Variants in PIR observed in about 807,000 individuals in gnomAD.
PIR encodes the protein pirin, also known as pirin (iron-binding nuclear protein).
A neutral mutation model predicts 24.2 loss-of-function variants in PIR; 22 were observed. That is an observed-to-expected ratio of 0.91 (90% confidence interval 0.65 to 1.30). The LOEUF (loss-of-function observed/expected upper bound fraction) is 1.30, where lower values mean the gene tolerates loss of function less well. PIR is among the 50% of genes most tolerant of loss of function. The pLI is 0.00. For missense variants in PIR, 220 were observed against 220.3 expected (o/e 1.00, Z 0.01); for synonymous variants, 80 against 79.6 (o/e 1.00, Z -0.03).
At chrX:15,456,158 C>T in intron 4 of PIR, 104 bp from the exon 5 acceptor site, 2 of 665,955 alleles carry the variant, frequency 3.0e-6, no homozygotes, top group Non-Finnish European at 4.8e-6. Flanking sequence ...CTTACCAGTG[C>T]TGCTATCAGA....
intron 5 of PIR, among the ~76,000 whole-genome samples, chrX:15,442,621 A>C (rs780529422): frequency 4.6e-4 from 52 of 111,990 alleles, no homozygotes; most frequent in African/African-American, 1.7e-3. Context: ...TAAAAGTGCT[A>C]CTCCAGCGAA....
chrX:15,421,076 G>C (rs140977266), intron 6 of PIR, among the ~76,000 whole-genome samples: 1 of 111,748 alleles, frequency 8.9e-6, no homozygotes, highest in African/African-American at 3.2e-5. Flanking sequence ...ATATAGTGAG[G>C]GTACTGGACA....
chrX:15,471,152 G>T (rs1921893906), intron 3 of PIR, among the ~76,000 whole-genome samples: 1 of 111,823 alleles, frequency 8.9e-6, no homozygotes, highest in African/African-American at 3.3e-5. Flanking sequence ...GAAGTGGCCT[G>T]TGCACTGTAG....
At chrX:15,474,541 T>A (rs1294136309) in intron 3 of PIR, among the ~76,000 whole-genome samples, 1 of 112,433 alleles carries the variant, frequency 8.9e-6, no homozygotes, top group Non-Finnish European at 1.9e-5. Flanking sequence ...AGCCATTTAC[T>A]AATAGGTTTT....
chrX:15,401,198 A>G (rs1269126162), intron 7 of PIR, among the ~76,000 whole-genome samples: 1 of 109,047 alleles, frequency 9.2e-6, no homozygotes, highest in Non-Finnish European at 1.9e-5. Flanking sequence ...GACCACAGGC[A>G]TGCACTACCA....
At chrX:15,468,281 G>A (rs73193788) in intron 3 of PIR, among the ~76,000 whole-genome samples, 94 of 112,633 alleles carry the variant, frequency 8.3e-4, no homozygotes, top group Non-Finnish European at 1.4e-3. Context: ...CATGCATGGC[G>A]TCTCTGCTTA....
chrX:15,409,413 T>C (rs1242188017), intron 6 of PIR, among the ~76,000 whole-genome samples: 1 of 111,319 alleles, frequency 9.0e-6, no homozygotes, highest in Non-Finnish European at 1.9e-5. Context: ...TATTTAGTCT[T>C]CCGAGCTTTG....
rs769214822 is a variant in PIR, at chrX:15,491,208, G to C, written c.50C>G (p.Ser17Trp). The C allele has an allele frequency of 3.3e-6, 4 of 1,207,700 alleles. No individual in the cohort carries two copies. Among genetic ancestry groups the C allele is most frequent in the Non-Finnish European group, 4.5e-6 (4 of 893,074 alleles). The change falls in exon 2 of 10, where the codon TCG becomes TGG. Residue 17 changes from serine (S) to tryptophan (W), a missense_variant. Physicochemically the swap from Ser to Trp is radical, Grantham distance 177. Coordinates refer to ENST00000380420, the MANE Select transcript of PIR (RefSeq NM_001018109.3). ...CCGGACCCTCGCTCCAACCCCTTCC[G>C]ACTGCTCCCGGCTGAGCACTGAGAG... ...VTLSVLSREQ[S>W]EGVGARVRRS...
chrX:15,457,727 T>C (rs1921140601), intron 4 of PIR, among the ~76,000 whole-genome samples: 1 of 112,275 alleles, frequency 8.9e-6, no homozygotes, highest in Admixed American at 9.4e-5. Context: ...CTTTAAAGAT[T>C]TTTTTCTTCC....
rs192036441 is a variant in PIR at position 15,408,096 on chromosome X, G to A, written c.566-546C>T. ...CTAGTAGCTGGGATTACAGGCACACGCCACCACATCTGGCTAATTTTTGTA... is the reference window on the plus strand; with the variant it reads ...CTAGTAGCTGGGATTACAGGCACACACCACCACATCTGGCTAATTTTTGTA... On this transcript the variant is annotated intron_variant, in intron 6 of 9. Transcript: ENST00000380420. Among the ~76,000 whole-genome samples, 117 of 111,365 alleles carry A rather than the reference G, an allele frequency of 1.1e-3. 2 individuals carry two copies. The East Asian group carries it at 0.027, about 26-fold the overall frequency.
At chrX:15,387,942 C>G (rs914690860) in intron 9 of PIR, among the ~76,000 whole-genome samples, 2 of 111,529 alleles carry the variant, frequency 1.8e-5, no homozygotes, top group Non-Finnish European at 3.8e-5. Flanking sequence ...GCTGATACTG[C>G]TGGTCCATGG....
At chrX:15,486,799 C>G (rs1233599227) in intron 2 of PIR, among the ~76,000 whole-genome samples, 5 of 112,048 alleles carry the variant, frequency 4.5e-5, no homozygotes, top group Non-Finnish European at 9.4e-5. Context: ...GAACACAGGT[C>G]CCTGATAAGA....
chrX:15,422,681 G>A (rs1282740885), intron 6 of PIR, among the ~76,000 whole-genome samples: 1 of 109,511 alleles, frequency 9.1e-6, no homozygotes, highest in Non-Finnish European at 1.9e-5. Context: ...AATTGAAAAG[G>A]ACACAAAAAA....
At chrX:15,475,676 A>G (rs1172717122) in intron 3 of PIR, among the ~76,000 whole-genome samples, 2 of 112,296 alleles carry the variant, frequency 1.8e-5, no homozygotes, top group Non-Finnish European at 3.8e-5. Flanking sequence ...GGACTTTCCC[A>G]TGTCTCTGAT....
intron 4 of PIR, 85 bp from the exon 5 acceptor site, chrX:15,456,139 G>C (rs775330973): frequency 5.4e-5 from 42 of 775,167 alleles, no homozygotes; most frequent in Non-Finnish European, 7.6e-5. Flanking sequence ...CCATCACTAA[G>C]TGAGACATCT....
At chrX:15,458,436 T>C (rs1021531172) in intron 4 of PIR, among the ~76,000 whole-genome samples, 3 of 108,199 alleles carry the variant, frequency 2.8e-5, no homozygotes, top group African/African-American at 1.0e-4. Context: ...AGCCTAGGAG[T>C]TTGAGACCAG....
intron 7 of PIR, among the ~76,000 whole-genome samples, chrX:15,400,653 C>A (rs1169188759): frequency 5.4e-5 from 6 of 111,196 alleles, no homozygotes; most frequent in African/African-American, 2.0e-4. Context: ...ATGTGGGATG[C>A]AATTTCTGCC....
At chrX:15,390,343 A>G (rs752293621) in intron 8 of PIR, 92 bp from the exon 9 acceptor site, 38 of 501,281 alleles carry the variant, frequency 7.6e-5, no homozygotes, top group Non-Finnish European at 1.2e-4. Flanking sequence ...CTAGCCAAAT[A>G]GGCGATGTTC....
rs765140811 is a variant in PIR at position 15,464,008 on chromosome X, G to A, written c.190-4268C>T. Among the ~76,000 whole-genome samples the A allele has an allele frequency of 1.2e-4, 14 of 112,478 alleles. No individual in the cohort carries two copies. In the South Asian group the frequency reaches 1.5e-3, roughly 12 times the overall value. ...AAAGACAGGGACATTCTGGATGATA[G>A]GTTAATAAGTAACGCAACTAAATTA... On this transcript the variant is annotated intron_variant, in intron 3 of 9. Coordinates refer to ENST00000380420, the MANE Select transcript of PIR (RefSeq NM_001018109.3).
Sources: allele counts gnomAD v4.1 joint callset (sites outside exome capture counted in the v4.1 genomes callset), GRCh38; gene constraint gnomAD v4.1.1; transcripts MANE v1.5; gene names NCBI Gene and HGNC (gene_info 2026-07-23, HGNC 2026-07-21).